MUC12: variants seen among roughly 807,000 people sequenced by gnomAD.
The protein encoded by MUC12 is mucin-12.
A neutral mutation model predicts 230.8 loss-of-function variants in MUC12; 172 were observed. That is an observed-to-expected ratio of 0.75 (90% CI 0.66 to 0.85). The LOEUF is 0.85. Among genes scored for constraint, MUC12 ranks in the 40% least tolerant of loss-of-function variants. The pLI is 0.00. For synonymous variants in MUC12, 1,259 were observed against 2,401.9 expected, an observed-to-expected ratio of 0.52 and a Z score of 13.91; for missense variants, 3,506 against 5,920.6, an observed-to-expected ratio of 0.59 and a Z score of 13.38.
intron 1 of MUC12, among the ~76,000 whole-genome samples, chr7:100,983,590 A>T (rs779506686): frequency 5.9e-5 from 9 of 152,162 alleles, no homozygotes; most frequent in Non-Finnish European, 1.0e-4. Flanking sequence ...CAGGGCAGAA[A>T]TGTTCTCTAC....
intron 1 of MUC12, among the ~76,000 whole-genome samples, chr7:100,980,042 CGTT>C (rs1443928121): frequency 6.8e-6 from 1 of 146,442 alleles, no homozygotes; most frequent in Non-Finnish European, 1.5e-5. Context: ...TTTTTTTTTT[CGTT>C]GTTGTTGTTT....
At position 100,991,791 on chromosome 7, in the gene MUC12, A is replaced by T. The variant is rs1453081183; in HGVS notation, c.1228A>T (p.Thr410Ser). The T allele has an allele frequency of 3.3e-6, 5 of 1,537,806 alleles. No homozygotes were observed. Among genetic ancestry groups the T allele is most frequent in the Non-Finnish European group, 4.4e-6 (5 of 1,147,066 alleles). ...TPSTTAALAH[T>S]SYHSSLGSTE... ...TAGCACCACAGCTGCCCTAGCACAT[A>T]CAAGCTACCACAGCAGCCTGGGCTC... The change falls in exon 2 of 12, where the codon ACA becomes TCA. Residue 410 changes from threonine (T) to serine (S), a missense_variant. Physicochemically the swap from Thr to Ser is moderately conservative, Grantham distance 58 (BLOSUM62 1). Coordinates refer to ENST00000536621, the MANE Select transcript of MUC12 (RefSeq NM_001164462.2).
Position 100,995,730 on chromosome 7 carries a change from A to C in MUC12, c.5167A>C (p.Thr1723Pro). 3 of 1,535,138 alleles carry C rather than the reference A, an allele frequency of 2.0e-6. No individual in the cohort carries two copies. Among genetic ancestry groups the C allele is most frequent in the Non-Finnish European group, 2.6e-6 (3 of 1,146,310 alleles). ...STTSHGSPSS[T>P]PTTHFSASST... ...AACCTCCCACGGCAGCCCGAGCTCA[A>C]CTCCAACAACCCACTTTTCTGCCAG... Residue 1723 changes from threonine to proline, a missense_variant, in exon 2 of 12, where the codon ACT (threonine) becomes CCT (proline). Coordinates refer to ENST00000536621, the MANE Select transcript of MUC12 (RefSeq NM_001164462.2).
intron 1 of MUC12, among the ~76,000 whole-genome samples, chr7:100,977,050 C>CAAAAAAAAAAAAAAAAAAA (rs1157648244): frequency 1.6e-5 from 1 of 62,414 alleles, no homozygotes; most frequent in Non-Finnish European, 2.8e-5. Context: ...GACTCCATCT[C>CAAAAAAAAAAAAAAAAAAA]AAAAAAAAAA....
chr7:100,993,516 C>T lies in MUC12; in HGVS notation c.2953C>T (p.Pro985Ser). Reference sequence around the variant, plus strand: ...ACTGTCCCCTGCCAGCTCCACAAGCCCTGGACTTCAGGGAGAATCTACTGC... The same window carrying T: ...ACTGTCCCCTGCCAGCTCCACAAGCTCTGGACTTCAGGGAGAATCTACTGC... ...TTLSPASSTS[P>S]GLQGESTAFQ... The change falls in exon 2 of 12, where the codon CCT becomes TCT. Residue 985 changes from proline (P) to serine (S), a missense_variant. Pro to Ser is a moderately conservative substitution (Grantham distance 74). Transcript: ENST00000536621. 3 of 1,012,870 alleles carry T rather than the reference C, an allele frequency of 3.0e-6. 1 individual carries two copies. The highest frequency in any genetic ancestry group is 4.0e-6 in the Non-Finnish European group (3 of 752,406). The allele number at this position is 1,012,870 out of a possible 1,614,324, so 62.7% of individuals were successfully genotyped here.
At chr7:100,975,831 T>C (rs568875901) in intron 1 of MUC12, among the ~76,000 whole-genome samples, 2 of 152,428 alleles carry the variant, frequency 1.3e-5, no homozygotes, top group East Asian at 1.9e-4. Flanking sequence ...AGGGAGAGAA[T>C]TGGGATATTG....
In MUC12 at chr7:101,004,836, C is replaced by G. The variant is rs11766125; in HGVS notation, c.14273C>G (p.Thr4758Arg). The change falls in exon 2 of 12, where the codon ACA becomes AGA. Residue 4758 changes from threonine (T) to arginine (R), a missense_variant. Thr to Arg is a moderately conservative substitution (Grantham distance 71, BLOSUM62 -1). Coordinates refer to ENST00000536621, the MANE Select transcript of MUC12 (RefSeq NM_001164462.2). ...PDQTLSPASM[T>R]SSSISGEPTS... is the part of the protein sequence containing the mutation. ...CAAACACTCTCACCTGCCAGCATGACAAGCTCCAGCATCAGTGGAGAACCC... is the reference window on the plus strand; with the variant it reads ...CAAACACTCTCACCTGCCAGCATGAGAAGCTCCAGCATCAGTGGAGAACCC... 782,507 of 1,537,424 alleles carry G rather than the reference C, an allele frequency of 0.51. 201,039 individuals carry two copies. The highest frequency in any genetic ancestry group is 0.6 in the East Asian group (24,430 of 40,886).
In MUC12 at chr7:101,018,730, C is replaced by A; in HGVS notation, c.*94C>A. On this transcript the variant is annotated 3_prime_UTR_variant, in exon 12 of 12. Coordinates refer to ENST00000536621, the MANE Select transcript of MUC12 (RefSeq NM_001164462.2). The stretch of plus-strand genomic sequence containing the variant: ...GCCTCCGGGGCGGGTCAAGAGGAGA[C>A]CGAAGTCAGGCCCTGAAGCCGGTCC... 1.5e-6 allele frequency: 2 copies of A among 1,305,296 alleles called. No individual in the cohort carries two copies. The highest frequency in any genetic ancestry group is 2.1e-6 in the Non-Finnish European group (2 of 968,648). The allele number at this position is 1,305,296 out of a possible 1,614,324, so 80.9% of individuals were successfully genotyped here.
chr7:100,976,616 T>A (rs976232153), intron 1 of MUC12, among the ~76,000 whole-genome samples: 4 of 146,996 alleles, frequency 2.7e-5, no homozygotes, highest in Non-Finnish European at 6.0e-5. Flanking sequence ...AAAAAAAAAA[T>A]GCAAATATTC....
In MUC12 at chr7:101,009,119, A is replaced by T. The variant is rs1339617922; in HGVS notation, c.15211A>T (p.Asn5071Tyr). The T allele has an allele frequency of 2.6e-6, 4 of 1,537,818 alleles. No individual in the cohort carries two copies. In the East Asian group the frequency reaches 7.3e-5, roughly 28 times the overall value. The change falls in exon 5 of 12, where the codon AAT becomes TAT. Residue 5071 changes from asparagine to tyrosine, a missense_variant. By Grantham distance (143) the Asn-to-Tyr change is moderately radical. Transcript: ENST00000536621. ...GATGGATGTCGTTTTGAAGGGCGACAATCTTCCTCAGTATAGAGGGGTGAA... is the reference window on the plus strand; with the variant it reads ...GATGGATGTCGTTTTGAAGGGCGACTATCTTCCTCAGTATAGAGGGGTGAA... ...NRMDVVLKGD[N>Y]LPQYRGVNIR...
intron 5 of MUC12, among the ~76,000 whole-genome samples, chr7:101,010,417 G>T (rs1793823593): frequency 6.6e-6 from 1 of 152,116 alleles, no homozygotes; most frequent in African/African-American, 2.4e-5. Context: ...GCTCACTGCA[G>T]GCTCAACCTC....
At position 100,992,863 on chromosome 7, in the gene MUC12, C is replaced by A. The variant is rs1449000226; in HGVS notation, c.2300C>A (p.Ser767Ter). The A allele has an allele frequency of 6.5e-7, 1 of 1,537,660 alleles. No individual in the cohort carries two copies. Among genetic ancestry groups the A allele is most frequent in the Admixed American group, 2.0e-5 (1 of 50,954 alleles). Residue 767 changes from serine to a stop codon, truncating the protein, a stop_gained, in exon 2 of 12, where the codon TCA (serine) becomes TAA (stop). Transcript: ENST00000536621. LOFTEE classifies it high-confidence loss of function. ...SSTTSGRSEE[S>*]TASHSSQDAT... The stretch of plus-strand genomic sequence containing the variant: ...ACAACCTCAGGCCGTAGTGAGGAAT[C>A]AACAGCATCGCACAGCAGCCAAGAC...
rs1463124047 is a variant in MUC12, at chr7:100,991,859, C to A, written c.1296C>A (p.Gly432=). The A allele has an allele frequency of 2.0e-6, 3 of 1,537,678 alleles. No individual in the cohort carries two copies. The highest frequency in any genetic ancestry group is 1.7e-6 in the Non-Finnish European group (2 of 1,146,838). Residue 432 remains glycine, a synonymous_variant, in exon 2 of 12, where the codon GGC becomes GGA. Transcript: ENST00000536621. ...THFRDSSTIS[G]RSEESKASHS... ...TCCGTGATAGCTCCACAATCTCAGG[C>A]CGTAGTGAGGAATCAAAAGCATCCC...
At chr7:100,989,568 A>G (rs1793246321) in intron 1 of MUC12, among the ~76,000 whole-genome samples, 1 of 152,188 alleles carries the variant, frequency 6.6e-6, no homozygotes, top group Non-Finnish European at 1.5e-5. Flanking sequence ...GAGCACCTTG[A>G]TAGATGAACA....
intron 1 of MUC12, among the ~76,000 whole-genome samples, chr7:100,971,188 A>AAAC (rs774149211): frequency 4.1e-4 from 8 of 19,594 alleles, no homozygotes; most frequent in African/African-American, 9.6e-4. Context: ...AAACAAAAAA[A>AAAC]AAACAAACCG....
rs1217359989 is a variant in MUC12 at position 101,004,798 on chromosome 7, C to T, written c.14235C>T (p.Ser4745=). 9 of 1,537,652 alleles carry T rather than the reference C, an allele frequency of 5.9e-6. No homozygotes were observed. Among genetic ancestry groups the T allele is most frequent in the Admixed American group, 2.0e-5 (1 of 51,004 alleles). The change falls in exon 2 of 12, where the codon TCC becomes TCT. Residue 4745 remains serine, a synonymous_variant. Transcript: ENST00000536621. ...AATCTACCATCCTTTACAGTAGCTC[C>T]AGATCACCAGACCAAACACTCTCAC... ...SAKSTILYSS[S]RSPDQTLSPA...
At chr7:100,976,202 T>C (rs906567655) in intron 1 of MUC12, among the ~76,000 whole-genome samples, 2 of 151,838 alleles carry the variant, frequency 1.3e-5, no homozygotes, top group Admixed American at 1.3e-4. Flanking sequence ...CTCCTGAATC[T>C]AGCAATTCCA....
At position 101,015,884 on chromosome 7, in the gene MUC12, G is replaced by T. The variant is rs535052357; in HGVS notation, c.15877+193G>T. Among the ~76,000 whole-genome samples the T allele has an allele frequency of 9.9e-5, 15 of 152,256 alleles. No individual in the cohort carries two copies. In the East Asian group the frequency reaches 1.9e-3, roughly 20 times the overall value. On this transcript the variant is annotated intron_variant, in intron 10 of 11. Coordinates refer to ENST00000536621, the MANE Select transcript of MUC12 (RefSeq NM_001164462.2). ...CTGCTGTGTGCAAGAGTGCAGGAGT[G>T]GTTGAGAACCAGATCTTGCCCCCAG...
chr7:100,993,673 C>G lies in MUC12; in HGVS notation c.3110C>G (p.Ser1037Cys). 8.6e-7 allele frequency: 1 copy of G among 1,169,568 alleles called. No homozygotes were observed. The highest frequency in any genetic ancestry group is 1.2e-6 in the Non-Finnish European group (1 of 860,616). 72.4% of individuals were successfully genotyped at this position (1,169,568 alleles called of 1,614,324 possible). A position where few individuals can be genotyped will look rare whatever the true frequency, so the allele number is the denominator to read the frequency against. Residue 1037 changes from serine to cysteine, a missense_variant, in exon 2 of 12, where the codon TCC becomes TGC. Physicochemically the swap from Ser to Cys is moderately radical, Grantham distance 112. Transcript: ENST00000536621. ...CCAACAACACACTTCCCTGCCAGCT[C>G]CACAACTTCGGGCCACAGTGAGAAA... ...STPTTHFPAS[S>C]TTSGHSEKST... is the part of the protein sequence containing the mutation.
Sources: gnomAD v4.1 joint callset for allele counts (sites outside exome capture counted in the v4.1 genomes callset) on GRCh38, gnomAD v4.1.1 for gene constraint, MANE v1.5 for transcripts, NCBI Gene and HGNC (gene_info 2026-07-23, HGNC 2026-07-21) for gene names.